ERCC5: variants seen among roughly 807,000 people sequenced by gnomAD.
ERCC5 encodes DNA excision repair protein ERCC-5.
Under a neutral mutation model 105.6 loss-of-function variants are expected in ERCC5, and 68 were observed. The ratio of observed to expected loss-of-function variants is 0.64; its 90% CI spans 0.53 to 0.79. ERCC5 has a LOEUF of 0.79. Among genes scored for constraint, ERCC5 ranks in the 30% least tolerant of loss-of-function variants. ERCC5 has a pLI of 0.00. For missense variants in ERCC5, 1,373 were observed against 1,426.7 expected, an observed-to-expected ratio of 0.96 and a Z score of 0.61; for synonymous variants, 546 against 526.2, an observed-to-expected ratio of 1.04 and a Z score of -0.51.
intron 12 of ERCC5, among the ~76,000 whole-genome samples, chr13:102,871,734 G>T (rs750926232): frequency 6.6e-6 from 1 of 151,304 alleles, no homozygotes; most frequent in Non-Finnish European, 1.5e-5. Flanking sequence ...AATATTCTTC[G>T]ATCCATTATT....
intron 6 of ERCC5, among the ~76,000 whole-genome samples, chr13:102,859,751 G>A (rs1882552828): frequency 6.6e-6 from 1 of 152,176 alleles, no homozygotes; most frequent in South Asian, 2.1e-4. Context: ...TTGGGCCTTT[G>A]TGTGATCTGT....
intron 6 of ERCC5, among the ~76,000 whole-genome samples, chr13:102,859,135 T>G (rs1191259382): frequency 6.6e-6 from 1 of 152,220 alleles, no homozygotes; most frequent in Non-Finnish European, 1.5e-5. Context: ...GATGACTCCC[T>G]GTCTTAGTTG....
chr13:102,858,952 C>G, intron 6 of ERCC5: 1 of 456,056 alleles, frequency 2.2e-6, no homozygotes, highest in South Asian at 1.5e-5. Context: ...GCCATTGGCT[C>G]TCCACATTCC....
At chr13:102,864,471 T>G (rs942842984) in intron 8 of ERCC5, among the ~76,000 whole-genome samples, 1 of 152,206 alleles carries the variant, frequency 6.6e-6, no homozygotes, top group African/African-American at 2.4e-5. Flanking sequence ...TGTAGACTCC[T>G]GTATTCCTAT....
intron 4 of ERCC5, 133 bp downstream of exon 4, chr13:102,854,507 C>T: frequency 1.2e-6 from 1 of 851,470 alleles, no homozygotes; most frequent in Non-Finnish European, 1.8e-6. Flanking sequence ...ATGCTCTATA[C>T]CTTTCAGAAT....
chr13:102,862,011 T>A lies in ERCC5; in HGVS notation c.881-19T>A, dbSNP rs748883766. ...CACTGTAAAACTGAATGGTGAGAAGTGTTTTAATTCTTCTTAAGGTATTCA... is the reference window on the plus strand; with the variant it reads ...CACTGTAAAACTGAATGGTGAGAAGAGTTTTAATTCTTCTTAAGGTATTCA... On this transcript the variant is annotated intron_variant, in intron 7 of 14. Transcript: ENST00000652225. 2 of 1,613,130 alleles carry A rather than the reference T, an allele frequency of 1.2e-6. No homozygotes were observed. Among genetic ancestry groups the A allele is most frequent in the Non-Finnish European group, 1.7e-6 (2 of 1,179,254 alleles).
At chr13:102,868,283 G>C (rs1566471599) in intron 12 of ERCC5, 26 bp downstream of exon 12, 1 of 1,613,844 alleles carries the variant, frequency 6.2e-7, no homozygotes, top group South Asian at 1.1e-5. Context: ...TCTTTAATTT[G>C]GATAATTGTG....
rs750144175 is a variant in ERCC5, at chr13:102,865,809, C to T, written c.2097C>T (p.Ser699=). The change falls in exon 9 of 15, where the codon AGC becomes AGT. Residue 699 remains serine (S), a synonymous_variant. Coordinates refer to ENST00000652225, the MANE Select transcript of ERCC5 (RefSeq NM_000123.4). This position sits in a 1 kb window ranked among gnomAD's most constrained non-coding sequence, Gnocchi z 4.0. ...REGEAPAESE[S]LLRDNSERDD... ...GAGAAGCCCCTGCTGAGTCCGAGAG[C>T]CTCCTGAGGGACAACTCTGAGAGGG... 1 of 1,614,180 alleles carries T rather than the reference C, an allele frequency of 6.2e-7. No individual in the cohort carries two copies. Among genetic ancestry groups the T allele is most frequent in the South Asian group, 1.1e-5 (1 of 91,082 alleles).
At chr13:102,858,475 T>G in intron 6 of ERCC5, 57 bp downstream of exon 6, 1 of 1,612,594 alleles carries the variant, frequency 6.2e-7, no homozygotes, top group South Asian at 1.1e-5. Context: ...CAAAACTTTT[T>G]ATTAGAAAGA....
chr13:102,866,110 A>G, intron 9 of ERCC5, 152 bp from the exon 10 acceptor site: 1 of 1,445,738 alleles, frequency 6.9e-7, no homozygotes, highest in East Asian at 2.3e-5. Context: ...ATCTCTAAAG[A>G]TATTACAGAG....
chr13:102,862,358 G>A lies in ERCC5; in HGVS notation c.1209G>A (p.Val403=). The A allele has an allele frequency of 6.2e-7, 1 of 1,614,174 alleles. No individual in the cohort carries two copies. The highest frequency in any genetic ancestry group is 2.2e-5 in the East Asian group (1 of 44,878). Residue 403 remains valine (V), a synonymous_variant, in exon 8 of 15, where the codon GTG becomes GTA. Coordinates refer to ENST00000652225, the MANE Select transcript of ERCC5 (RefSeq NM_000123.4). Reference sequence around the variant, plus strand: ...TTGACGATGACGAAGATGTAAAAGTGTGTGCTGGGGATGATGTGCAGACGG... The same window carrying A: ...TTGACGATGACGAAGATGTAAAAGTATGTGCTGGGGATGATGTGCAGACGG... ...RALDDDEDVK[V]CAGDDVQTGG... is the part of the protein sequence containing the mutation.
Position 102,863,107 on chromosome 13 carries a change from C to T in ERCC5, c.1954+4C>T, listed in dbSNP as rs991926537. 17 of 1,612,332 alleles carry T rather than the reference C, an allele frequency of 1.1e-5. No homozygotes were observed. The highest frequency in any genetic ancestry group is 1.7e-5 in the Admixed American group (1 of 59,996). On this transcript the variant is annotated splice_donor_region_variant and intron_variant, in intron 8 of 14. Coordinates refer to ENST00000652225, the MANE Select transcript of ERCC5 (RefSeq NM_000123.4). ...TCGGAAGAAAGTGAATCTGATGGTA[C>T]GTGTCTGTGCTTTTGTAGAAATCTG...
In ERCC5 at chr13:102,862,224, G is replaced by A; in HGVS notation, c.1075G>A (p.Glu359Lys). The A allele has an allele frequency of 6.2e-7, 1 of 1,614,182 alleles. No individual in the cohort carries two copies. Among genetic ancestry groups the A allele is most frequent in the Non-Finnish European group, 8.5e-7 (1 of 1,180,036 alleles). ...QAALLGSSSE[E>K]ELESENRRQA... Reference sequence around the variant, plus strand: ...TGCCCTGCTGGGAAGTAGCTCAGAAGAGGAGCTGGAGAGTGAAAATCGAAG... The same window carrying A: ...TGCCCTGCTGGGAAGTAGCTCAGAAAAGGAGCTGGAGAGTGAAAATCGAAG... Residue 359 changes from glutamate to lysine, a missense_variant, in exon 8 of 15, where the codon GAG (glutamate) becomes AAG (lysine). By Grantham distance (56) the Glu-to-Lys change is moderately conservative. This residue lies in a region of ERCC5 where 1,004 missense variants were observed against 1,059.7 expected (regional missense o/e 0.95). Coordinates refer to ENST00000652225, the MANE Select transcript of ERCC5 (RefSeq NM_000123.4).
In ERCC5 at chr13:102,861,694, C is replaced by A; in HGVS notation, c.860C>A (p.Ser287Ter). 6.2e-7 allele frequency: 1 copy of A among 1,614,116 alleles called. No homozygotes were observed. Among genetic ancestry groups the A allele is most frequent in the South Asian group, 1.1e-5 (1 of 91,078 alleles). The change falls in exon 7 of 15, where the codon TCA becomes TAA. Residue 287 changes from serine (S) to a stop codon, truncating the protein, a stop_gained. Transcript: ENST00000652225. LOFTEE classifies it high-confidence loss of function. ...AGGAGAGTGGTCTCTGAAGACACTT[C>A]ACATTACATCTTGATAAAAGGTATC... is the stretch of plus-strand genomic sequence containing the variant. ...ESRRVVSEDT[S>*]HYILIKGIQA...
intron 1 of ERCC5, among the ~76,000 whole-genome samples, chr13:102,847,475 A>C (rs1882020368): frequency 6.6e-6 from 1 of 152,104 alleles, no homozygotes; most frequent in Non-Finnish European, 1.5e-5. Flanking sequence ...GGCGTTCAGC[A>C]AAGGAATCCC....
At chr13:102,855,499 C>T (rs1882380206) in intron 4 of ERCC5, among the ~76,000 whole-genome samples, 1 of 152,206 alleles carries the variant, frequency 6.6e-6, no homozygotes, top group South Asian at 2.1e-4. Context: ...GATCCACCTG[C>T]CTCGGCCTCC....
In ERCC5 at chr13:102,852,212, G is replaced by A. The variant is rs746325552; in HGVS notation, c.183G>A (p.Arg61=). ...CTCATCTTCTCACTTTGTTTCATCG[G>A]CTCTGCAAACTCTTATTTTTTCGAA... ...ENPHLLTLFH[R]LCKLLFFRIR... is the part of the protein sequence containing the mutation. Residue 61 remains arginine, a synonymous_variant, in exon 2 of 15, where the codon CGG becomes CGA. Transcript: ENST00000652225. 2 of 1,613,994 alleles carry A rather than the reference G, an allele frequency of 1.2e-6. No homozygotes were observed. Among genetic ancestry groups the A allele is most frequent in the East Asian group, 2.2e-5 (1 of 44,836 alleles).
chr13:102,873,586 C>T (rs1016564689), intron 14 of ERCC5, among the ~76,000 whole-genome samples: 2 of 152,078 alleles, frequency 1.3e-5, no homozygotes, highest in African/African-American at 4.8e-5. Context: ...TTGAAAAAAC[C>T]AGTCTAATAA....
chr13:102,851,090 A>C (rs4150255), intron 1 of ERCC5, among the ~76,000 whole-genome samples: 2,731 of 152,312 alleles, frequency 0.018, 90 homozygotes, highest in African/African-American at 0.061. Flanking sequence ...AGCAGACATA[A>C]TATCTACTTT....
Sources: gnomAD v4.1 joint callset for allele counts (sites outside exome capture counted in the v4.1 genomes callset) on GRCh38, gnomAD v4.1.1 for gene constraint, gnomAD v4.1.1 regional missense constraint, Gnocchi (gnomAD v3.1) non-coding constraint, MANE v1.5 for transcripts, NCBI Gene and HGNC (gene_info 2026-07-23, HGNC 2026-07-21) for gene names.